Variants in NCKAP5 observed in about 807,000 individuals in gnomAD.
The protein encoded by NCKAP5 is nck-associated protein 5.
A neutral mutation model predicts 167.0 loss-of-function variants in NCKAP5; 92 were observed. That is an observed-to-expected ratio of 0.55 (90% CI 0.47 to 0.66). The LOEUF (loss-of-function observed/expected upper bound fraction) is 0.66. NCKAP5 is among the 30% of genes least tolerant of loss of function. The probability of loss-of-function intolerance (pLI) is 0.00; values close to 1 mark genes in which losing one functional copy is unlikely to be tolerated. For synonymous variants in NCKAP5, 891 were observed against 877.4 expected, an observed-to-expected ratio of 1.02 and a Z score of -0.27; for missense variants, 2,378 against 2,315.0, an observed-to-expected ratio of 1.03 and a Z score of -0.56.
At chr2:133,286,598 A>G (rs1679160567) in intron 4 of NCKAP5, among the ~76,000 whole-genome samples, 1 of 152,210 alleles carries the variant, frequency 6.6e-6, no homozygotes, top group Non-Finnish European at 1.5e-5. Flanking sequence ...AGTTAGAATA[A>G]CAACCCTCTC....
chr2:133,562,951 T>C (rs911075203), intron 1 of NCKAP5, among the ~76,000 whole-genome samples: 7 of 152,122 alleles, frequency 4.6e-5, no homozygotes, highest in East Asian at 1.9e-4. Context: ...AATCCAAAAT[T>C]CCAAAGGCAT....
chr2:132,984,478 C>T (rs557466318), intron 7 of NCKAP5, among the ~76,000 whole-genome samples: 193 of 152,300 alleles, frequency 1.3e-3, no homozygotes, highest in Non-Finnish European at 2.0e-3. Context: ...ACACCTGAAT[C>T]TTGCAATGGC....
At chr2:132,771,012 A>G (rs143855588) in intron 16 of NCKAP5, among the ~76,000 whole-genome samples, 204 of 152,340 alleles carry the variant, frequency 1.3e-3, no homozygotes, top group African/African-American at 4.7e-3. Flanking sequence ...TAATGATAAT[A>G]AGTGACTATT....
chr2:132,744,096 A>C (rs1679438130), intron 16 of NCKAP5, among the ~76,000 whole-genome samples: 1 of 151,726 alleles, frequency 6.6e-6, no homozygotes, highest in African/African-American at 2.4e-5. Context: ...ATTAAAATGA[A>C]AAGTCTTCTC....
At chr2:132,913,994 C>G (rs1045337632) in intron 8 of NCKAP5, among the ~76,000 whole-genome samples, 10 of 152,124 alleles carry the variant, frequency 6.6e-5, no homozygotes, top group Non-Finnish European at 1.5e-4. Flanking sequence ...CCCAAGGGGT[C>G]CTTTTAAGAT....
At chr2:133,059,316 T>C (rs1342141392) in intron 6 of NCKAP5, among the ~76,000 whole-genome samples, 1 of 151,998 alleles carries the variant, frequency 6.6e-6, no homozygotes, top group Non-Finnish European at 1.5e-5. Flanking sequence ...AATATGTATA[T>C]ATTCTGATAT....
chr2:133,222,044 T>C (rs1016405628), intron 4 of NCKAP5, among the ~76,000 whole-genome samples: 5 of 152,204 alleles, frequency 3.3e-5, no homozygotes, highest in Non-Finnish European at 7.3e-5. Context: ...GGCACTATTC[T>C]AAACACTTCA....
chr2:132,790,231 A>G (rs766055964), intron 12 of NCKAP5, 26 bp from the exon 13 acceptor site: 2 of 1,596,732 alleles, frequency 1.3e-6, no homozygotes, highest in East Asian at 2.3e-5. Context: ...AGCTCTGAGC[A>G]AGGGCTTTGC....
At chr2:133,183,301 G>A (rs969002984) in intron 5 of NCKAP5, among the ~76,000 whole-genome samples, 1 of 151,774 alleles carries the variant, frequency 6.6e-6, no homozygotes, top group Non-Finnish European at 1.5e-5. Flanking sequence ...ACGAGATAAA[G>A]GCAAATAAAA....
intron 3 of NCKAP5, among the ~76,000 whole-genome samples, chr2:133,485,360 C>A (rs1680818562): frequency 6.6e-6 from 1 of 152,122 alleles, no homozygotes; most frequent in South Asian, 2.1e-4. Flanking sequence ...TCCAAGAATT[C>A]TCTAAATGGA....
chr2:133,556,059 C>A (rs1468305140), intron 2 of NCKAP5, among the ~76,000 whole-genome samples: 1 of 152,136 alleles, frequency 6.6e-6, no homozygotes, highest in African/African-American at 2.4e-5. Flanking sequence ...ATAAAGTACA[C>A]AAAAGGCCAA....
At chr2:133,617,252 A>T in the NCKAP5 span, among the ~76,000 whole-genome samples, 1 of 152,214 alleles carries the variant, frequency 6.6e-6, no homozygotes, top group Non-Finnish European at 1.5e-5. Context: ...CAAGACAGGG[A>T]TGCCCTCTCT....
the NCKAP5 span, among the ~76,000 whole-genome samples, chr2:133,644,356 A>G: frequency 6.6e-6 from 1 of 152,192 alleles, no homozygotes; most frequent in Non-Finnish European, 1.5e-5. Context: ...TCTCCAACTT[A>G]CTGACTCAAG....
chr2:133,403,125 G>T (rs971851033), intron 3 of NCKAP5, among the ~76,000 whole-genome samples: 1 of 152,190 alleles, frequency 6.6e-6, no homozygotes, highest in African/African-American at 2.4e-5. Context: ...TTCATTGATT[G>T]TACTTCAGAC....
At chr2:133,116,807 T>G (rs948697086) in intron 6 of NCKAP5, among the ~76,000 whole-genome samples, 4 of 152,216 alleles carry the variant, frequency 2.6e-5, no homozygotes, top group Admixed American at 1.3e-4. Flanking sequence ...TTGCTTAACC[T>G]TTCTGGGCTT....
chr2:132,924,972 C>T (rs760439544), intron 8 of NCKAP5, among the ~76,000 whole-genome samples: 2 of 151,940 alleles, frequency 1.3e-5, no homozygotes, highest in Non-Finnish European at 2.9e-5. Flanking sequence ...CAAAATGGCA[C>T]CTTGTGATTT....
At chr2:133,665,158 G>T in the NCKAP5 span, among the ~76,000 whole-genome samples, 4 of 152,180 alleles carry the variant, frequency 2.6e-5, no homozygotes, top group African/African-American at 9.7e-5. Context: ...TTGTCCACTG[G>T]AGTAACACTT....
At position 133,415,670 on chromosome 2, in the gene NCKAP5, A is replaced by G. The variant is rs77509347; in HGVS notation, c.69+101788T>C. Reference sequence around the variant, plus strand: ...CGTGCAAATAATTTGCAGCTTCCTTAATTAAGCTAAACTCCAATCCCCAAC... The same window carrying G: ...CGTGCAAATAATTTGCAGCTTCCTTGATTAAGCTAAACTCCAATCCCCAAC... On this transcript the variant is annotated intron_variant, in intron 3 of 19. Transcript: ENST00000409261. Among the ~76,000 whole-genome samples, 74 of 152,344 alleles carry G rather than the reference A, an allele frequency of 4.9e-4. No homozygotes were observed. The East Asian group carries it at 0.011, about 23-fold the overall frequency.
chr2:132,931,668 T>C (rs1386926002), intron 8 of NCKAP5, among the ~76,000 whole-genome samples: 1 of 152,214 alleles, frequency 6.6e-6, no homozygotes, highest in African/African-American at 2.4e-5. Context: ...CTCTGTACAA[T>C]AAAATTAGGT....
Sources: gnomAD v4.1 joint callset for allele counts (sites outside exome capture counted in the v4.1 genomes callset) on GRCh38, gnomAD v4.1.1 for gene constraint, MANE v1.5 for transcripts, NCBI Gene and HGNC (gene_info 2026-07-23, HGNC 2026-07-21) for gene names.